The following CDKN2B-AS1 variants were observed in gnomAD, a reference collection of about 807,000 sequenced individuals.
The protein encoded by CDKN2B-AS1 is CDKN2B antisense RNA 1 (non-protein coding).
intron 4 of CDKN2B-AS1, among the ~76,000 whole-genome samples, chr9:22,087,909 T>C (rs922055028): frequency 5.9e-5 from 9 of 152,178 alleles, no homozygotes; most frequent in Non-Finnish European, 7.3e-5. Flanking sequence ...TTGCCAGATA[T>C]AGTTTCCTAT....
intron 4 of CDKN2B-AS1, among the ~76,000 whole-genome samples, chr9:22,117,400 A>T (rs1825978137): frequency 6.6e-6 from 1 of 152,154 alleles, no homozygotes; most frequent in South Asian, 2.1e-4. Flanking sequence ...ACTTAAATGA[A>T]GGGTTGGGGG....
chr9:22,057,599 A>G (rs563203332), intron 4 of CDKN2B-AS1, among the ~76,000 whole-genome samples: 3 of 152,048 alleles, frequency 2.0e-5, no homozygotes, highest in African/African-American at 7.2e-5. Context: ...GCTTGAGCTC[A>G]GGAGTTCGAG....
In CDKN2B-AS1 at chr9:22,039,151, A is replaced by G. The variant is rs1166696590; in HGVS notation, n.30-7600A>G. On this transcript the variant is annotated intron_variant and non_coding_transcript_variant, in intron 1 of 4. Transcript: ENST00000650946. This position sits in a 1 kb window ranked among gnomAD's most constrained non-coding sequence, Gnocchi z 4.4. Reference sequence around the variant, plus strand: ...CAAAATGACAAAAACTTAAAATGACATCTAATTTTTTAAGGCCAAGAATCA... The same window carrying G: ...CAAAATGACAAAAACTTAAAATGACGTCTAATTTTTTAAGGCCAAGAATCA... Among the ~76,000 whole-genome samples, 4 of 152,052 alleles carry G rather than the reference A, an allele frequency of 2.6e-5. No individual in the cohort carries two copies. Among genetic ancestry groups the G allele is most frequent in the Non-Finnish European group, 4.4e-5 (3 of 67,968 alleles).
chr9:22,002,146 C>A (rs531045750), intron 1 of CDKN2B-AS1, among the ~76,000 whole-genome samples: 18 of 152,148 alleles, frequency 1.2e-4, no homozygotes, highest in African/African-American at 4.3e-4. Context: ...TAGACAGTTT[C>A]TGTTAATACT....
chr9:22,019,632 T>A (rs1821934722), intron 1 of CDKN2B-AS1, among the ~76,000 whole-genome samples: 1 of 152,096 alleles, frequency 6.6e-6, no homozygotes, highest in South Asian at 2.1e-4. Flanking sequence ...GGTGGAGATA[T>A]CCAGTGAAAG....
At chr9:22,063,521 G>T (rs956554264) in intron 4 of CDKN2B-AS1, among the ~76,000 whole-genome samples, 3 of 152,178 alleles carry the variant, frequency 2.0e-5, no homozygotes, top group African/African-American at 7.2e-5. Context: ...CCATATGTTT[G>T]TTGTGACAAT....
In CDKN2B-AS1 at chr9:22,001,135, C is replaced by T. The variant is rs1439577294; in HGVS notation, n.29+5974C>T. ...ATAAGACAGGGTTCAGAGGAAGTAGCCCCAACAACATCATAATAGAGAACA... is the reference window on the plus strand; with the variant it reads ...ATAAGACAGGGTTCAGAGGAAGTAGTCCCAACAACATCATAATAGAGAACA... On this transcript the variant is annotated intron_variant and non_coding_transcript_variant, in intron 1 of 4. Coordinates refer to ENST00000650946, the Ensembl canonical transcript of CDKN2B-AS1. This position sits in a 1 kb window ranked among gnomAD's most constrained non-coding sequence, Gnocchi z 4.2. 2.0e-5 allele frequency among the ~76,000 whole-genome samples: 3 copies of T among 152,030 alleles called. No individual in the cohort carries two copies. Among genetic ancestry groups the T allele is most frequent in the African/African-American group, 4.8e-5 (2 of 41,406 alleles).
intron 1 of CDKN2B-AS1, among the ~76,000 whole-genome samples, chr9:22,024,397 T>G (rs1360046813): frequency 6.6e-6 from 1 of 152,202 alleles, no homozygotes; most frequent in Non-Finnish European, 1.5e-5. Context: ...ACCATGCTAG[T>G]GAAGGCAAGG....
intron 1 of CDKN2B-AS1, chr9:22,002,763 T>C (rs893560053): frequency 6.2e-6 from 1 of 161,928 alleles, no homozygotes; most frequent in African/African-American, 2.4e-5. Flanking sequence ...AACTGTTTCA[T>C]TCCTTAGTTA....
chr9:22,088,409 A>T (rs979374482), intron 4 of CDKN2B-AS1, among the ~76,000 whole-genome samples: 7 of 150,806 alleles, frequency 4.6e-5, no homozygotes, highest in African/African-American at 1.7e-4. Context: ...ACTCAGGAGA[A>T]TGCACAATTG....
chr9:22,086,703 A>T (rs1824878269), intron 4 of CDKN2B-AS1, among the ~76,000 whole-genome samples: 1 of 152,186 alleles, frequency 6.6e-6, no homozygotes, highest in South Asian at 2.1e-4. Flanking sequence ...GGGGAGAATG[A>T]TTACCAGCCA....
At position 22,009,286 on chromosome 9, in the gene CDKN2B-AS1, C is replaced by T. The variant is rs1371669333; in HGVS notation, n.29+14125C>T. On this transcript the variant is annotated intron_variant and non_coding_transcript_variant, in intron 1 of 4. Coordinates refer to ENST00000650946, the Ensembl canonical transcript of CDKN2B-AS1. ...GACGCGTCGCGGAGTCCTCACTGCCCCGCCTCGCTCTGGCAGAGTGGGGAG... is the reference window on the plus strand; with the variant it reads ...GACGCGTCGCGGAGTCCTCACTGCCTCGCCTCGCTCTGGCAGAGTGGGGAG... 5 of 479,812 alleles carry T rather than the reference C, an allele frequency of 1.0e-5. No homozygotes were observed. In the East Asian group the frequency reaches 1.6e-4, roughly 15 times the overall value. The allele number at this position is 479,812 out of a possible 1,614,324, so 29.7% of individuals were successfully genotyped here.
At chr9:22,126,525 T>C (rs1003533488) in intron 4 of CDKN2B-AS1, among the ~76,000 whole-genome samples, 1 of 151,030 alleles carries the variant, frequency 6.6e-6, no homozygotes, top group African/African-American at 2.5e-5. Flanking sequence ...AACTAAGCTT[T>C]TCCTTTTTCT....
At chr9:22,012,262 C>G in intron 1 of CDKN2B-AS1, 4 of 1,435,782 alleles carry the variant, frequency 2.8e-6, no homozygotes, top group East Asian at 2.3e-5. Flanking sequence ...AGGAGGGTAT[C>G]CCCCCTGACA....
At chr9:22,085,439 G>A (rs1408284242) in intron 4 of CDKN2B-AS1, among the ~76,000 whole-genome samples, 1 of 152,176 alleles carries the variant, frequency 6.6e-6, no homozygotes, top group East Asian at 1.9e-4. Flanking sequence ...TCCCTCTCTG[G>A]CCGGGCGCGG....
chr9:22,010,768 A>G (rs1019429746), intron 1 of CDKN2B-AS1, among the ~76,000 whole-genome samples: 26 of 151,972 alleles, frequency 1.7e-4, no homozygotes, highest in Non-Finnish European at 3.1e-4. Context: ...TAATTTCTCT[A>G]CCTTTTACTC....
At chr9:22,125,388 C>A (rs1311479919) in intron 4 of CDKN2B-AS1, among the ~76,000 whole-genome samples, 1 of 152,174 alleles carries the variant, frequency 6.6e-6, no homozygotes, top group Admixed American at 6.5e-5. Context: ...TACAAATAAA[C>A]TAACTCTGCT....
At chr9:22,048,981 AC>A (rs1823223536) in intron 2 of CDKN2B-AS1, 1 of 152,206 alleles carries the variant, frequency 6.6e-6, no homozygotes, top group Admixed American at 6.5e-5. Context: ...TAAGAGCTCA[AC>A]AAATATTCAC....
intron 4 of CDKN2B-AS1, chr9:22,118,373 G>A (rs534076918): frequency 6.6e-6 from 1 of 152,224 alleles, no homozygotes; most frequent in East Asian, 1.9e-4. Context: ...AGTACCTGAA[G>A]AAAATCATTG....
Sources: gnomAD v4.1 joint callset for allele counts (sites outside exome capture counted in the v4.1 genomes callset) on GRCh38, gnomAD v4.1.1 for gene constraint, Gnocchi (gnomAD v3.1) non-coding constraint, MANE v1.5 for transcripts, NCBI Gene and HGNC (gene_info 2026-07-23, HGNC 2026-07-21) for gene names.